Variants in PPARGC1B observed in about 807,000 individuals in gnomAD.
The protein encoded by PPARGC1B is peroxisome proliferator-activated receptor gamma coactivator 1-beta.
PPARGC1B carries 34 observed loss-of-function variants against 101.6 expected under a neutral mutation model. The observed-to-expected ratio is 0.33, with a 90% confidence interval of 0.25 to 0.45. The LOEUF (loss-of-function observed/expected upper bound fraction) is 0.45, where lower values mean the gene tolerates loss of function less well. Ranked by LOEUF, PPARGC1B falls within the 20% of genes least tolerant of loss-of-function variation. The probability of loss-of-function intolerance (pLI) is 1.00; values close to 1 mark genes in which losing one functional copy is unlikely to be tolerated. For synonymous variants in PPARGC1B, 548 were observed against 539.3 expected, an observed-to-expected ratio of 1.02 and a Z score of -0.22; for missense variants, 1,234 against 1,317.6, an observed-to-expected ratio of 0.94 and a Z score of 0.98.
Position 149,801,352 on chromosome 5 carries a change from A to G in PPARGC1B, c.79-19081A>G, listed in dbSNP as rs1365264959. Among the ~76,000 whole-genome samples the G allele has an allele frequency of 2.0e-5, 3 of 152,238 alleles. No individual in the cohort carries two copies. In the East Asian group the frequency reaches 5.8e-4, roughly 29 times the overall value. On this transcript the variant is annotated intron_variant, in intron 1 of 11. Transcript: ENST00000309241. The stretch of plus-strand genomic sequence containing the variant: ...TATATGATCTGCAAGCTCAAAAAAA[A>G]GTTTCCTCCAGGAAGTAGAGTGAAG...
At chr5:149,818,953 C>G in intron 1 of PPARGC1B, 1 of 448,938 alleles carries the variant, frequency 2.2e-6, no homozygotes. Flanking sequence ...GGCCCCAGGG[C>G]CAACAGAACA....
chr5:149,781,956 C>T (rs1756617944), intron 1 of PPARGC1B, among the ~76,000 whole-genome samples: 1 of 152,018 alleles, frequency 6.6e-6, no homozygotes, highest in Non-Finnish European at 1.5e-5. Context: ...TGGTCAGTAC[C>T]AAGCAAGTGA....
intron 2 of PPARGC1B, among the ~76,000 whole-genome samples, chr5:149,821,310 C>A (rs910000471): frequency 9.2e-5 from 14 of 152,190 alleles, no homozygotes; most frequent in African/African-American, 3.4e-4. Context: ...CCTGTGTGCT[C>A]CAGCGCCCAG....
intron 1 of PPARGC1B, among the ~76,000 whole-genome samples, chr5:149,741,691 G>T (rs1278268160): frequency 1.3e-5 from 2 of 150,212 alleles, no homozygotes; most frequent in East Asian, 3.9e-4. Context: ...GCAGTGGCGC[G>T]ATCTCAGCTC....
At chr5:149,828,857 G>A (rs1339434457) in intron 3 of PPARGC1B, among the ~76,000 whole-genome samples, 1 of 152,002 alleles carries the variant, frequency 6.6e-6, no homozygotes, top group Non-Finnish European at 1.5e-5. Flanking sequence ...ACCAGCCTGG[G>A]CAACATAGGA....
chr5:149,781,940 C>T (rs1756617355), intron 1 of PPARGC1B, among the ~76,000 whole-genome samples: 1 of 152,120 alleles, frequency 6.6e-6, no homozygotes, highest in African/African-American at 2.4e-5. Context: ...TCATTAATGC[C>T]ATTCCTGGTC....
In PPARGC1B at chr5:149,733,384, C is replaced by A. The variant is rs560678647; in HGVS notation, c.78+2964C>A. ...AGGCTATGCCCCTGGCCCAGAGTACCCTCACTCACCCGTCCTGCATGGCCT... is the reference window on the plus strand; with the variant it reads ...AGGCTATGCCCCTGGCCCAGAGTACACTCACTCACCCGTCCTGCATGGCCT... On this transcript the variant is annotated intron_variant, in intron 1 of 11. Transcript: ENST00000309241. Among the ~76,000 whole-genome samples the A allele has an allele frequency of 2.6e-5, 4 of 152,298 alleles. No homozygotes were observed. In the South Asian group the frequency reaches 8.3e-4, roughly 32 times the overall value.
At chr5:149,810,430 G>A (rs1757809947) in intron 1 of PPARGC1B, among the ~76,000 whole-genome samples, 1 of 152,210 alleles carries the variant, frequency 6.6e-6, no homozygotes, top group Non-Finnish European at 1.5e-5. Context: ...TGACCTCGGT[G>A]CTGAAGGAGG....
At chr5:149,826,933 G>C in intron 3 of PPARGC1B, 48 bp downstream of exon 3, 1 of 1,459,496 alleles carries the variant, frequency 6.9e-7, no homozygotes. Flanking sequence ...CTGGGATTAG[G>C]TTTCTGGTTC....
intron 1 of PPARGC1B, among the ~76,000 whole-genome samples, chr5:149,786,602 G>T (rs1291546391): frequency 1.3e-5 from 2 of 152,232 alleles, no homozygotes; most frequent in African/African-American, 4.8e-5. Context: ...AGGCAGGCGT[G>T]TGTGCAGATA....
chr5:149,845,679 G>T, intron 10 of PPARGC1B, 81 bp from the exon 11 acceptor site: 1 of 1,444,556 alleles, frequency 6.9e-7, no homozygotes, highest in Non-Finnish European at 9.4e-7. Flanking sequence ...GTGGCAGTCG[G>T]TTCCTCATCT....
intron 1 of PPARGC1B, chr5:149,818,945 C>A (rs1381810054): frequency 6.7e-6 from 3 of 451,014 alleles, no homozygotes; most frequent in African/African-American, 6.0e-5. Context: ...TTCTGCCAGG[C>A]CCCAGGGCCA....
intron 1 of PPARGC1B, among the ~76,000 whole-genome samples, chr5:149,792,670 T>C (rs1363315566): frequency 1.3e-5 from 2 of 152,214 alleles, no homozygotes; most frequent in African/African-American, 4.8e-5. Flanking sequence ...GAGGATTATT[T>C]TGACGCTTAA....
chr5:149,809,161 A>AGATC (rs1554078912), intron 1 of PPARGC1B, among the ~76,000 whole-genome samples: 6 of 123,176 alleles, frequency 4.9e-5, no homozygotes, highest in African/African-American at 6.4e-5. Context: ...ATAGATAGAT[A>AGATC]GATCCATCTC....
chr5:149,765,513 A>G (rs1755876393), intron 1 of PPARGC1B, among the ~76,000 whole-genome samples: 1 of 152,164 alleles, frequency 6.6e-6, no homozygotes, highest in South Asian at 2.1e-4. Flanking sequence ...TGGCTGTAAA[A>G]GTTGCCCAGT....
intron 1 of PPARGC1B, among the ~76,000 whole-genome samples, chr5:149,810,472 G>A (rs1757811471): frequency 6.6e-6 from 1 of 152,176 alleles, no homozygotes; most frequent in African/African-American, 2.4e-5. Context: ...CACCTGCCAG[G>A]CCATCCAGGA....
intron 1 of PPARGC1B, among the ~76,000 whole-genome samples, chr5:149,746,772 GT>G (rs1755108712): frequency 6.6e-6 from 1 of 152,078 alleles, no homozygotes; most frequent in Non-Finnish European, 1.5e-5. Flanking sequence ...CCTGTTTTCT[GT>G]TTGTTTCTTT....
At chr5:149,846,059 A>G in intron 11 of PPARGC1B, 145 bp downstream of exon 11, 1 of 945,736 alleles carries the variant, frequency 1.1e-6, no homozygotes, top group Non-Finnish European at 1.7e-6. Context: ...ATAACTTTGC[A>G]GCCACTTTGC....
rs534273652 is a variant in PPARGC1B at position 149,759,659 on chromosome 5, G to T, written c.78+29239G>T. On this transcript the variant is annotated intron_variant, in intron 1 of 11. Coordinates refer to ENST00000309241, the MANE Select transcript of PPARGC1B (RefSeq NM_133263.4). ...TTCATTGCAAAGATGGAGCTCCTCC[G>T]GCTCCTTCCCTCATCCTCACAAACC... is the stretch of plus-strand genomic sequence containing the variant. 4.6e-4 allele frequency among the ~76,000 whole-genome samples: 70 copies of T among 152,314 alleles called. 2 individuals carry two copies. The South Asian group carries it at 0.014, about 31-fold the overall frequency.
Sources: allele counts gnomAD v4.1 joint callset (sites outside exome capture counted in the v4.1 genomes callset), GRCh38; gene constraint gnomAD v4.1.1; transcripts MANE v1.5; gene names NCBI Gene and HGNC (gene_info 2026-07-23, HGNC 2026-07-21).